Variants in CIPC observed in about 807,000 individuals in gnomAD.
The protein encoded by CIPC is CLOCK interacting pacemaker, also known as CLOCK-interacting pacemaker.
A neutral mutation model predicts 26.7 loss-of-function variants in CIPC; 12 were observed. That is an observed-to-expected ratio of 0.45 (90% CI 0.29 to 0.73). The LOEUF (loss-of-function observed/expected upper bound fraction) is 0.73. Ranked by LOEUF, CIPC falls within the 30% of genes least tolerant of loss-of-function variation. The probability of loss-of-function intolerance (pLI) is 0.12; values close to 1 mark genes in which losing one functional copy is unlikely to be tolerated. For missense variants in CIPC, 417 were observed against 486.5 expected, an observed-to-expected ratio of 0.86 and a Z score of 1.34; for synonymous variants, 170 against 189.8, an observed-to-expected ratio of 0.90 and a Z score of 0.86.
rs1201798596 is a variant in CIPC at position 77,114,040 on chromosome 14, G to T, written c.922G>T (p.Glu308Ter). The T allele has an allele frequency of 6.2e-7, 1 of 1,614,226 alleles. No individual in the cohort carries two copies. Among genetic ancestry groups the T allele is most frequent in the Non-Finnish European group, 8.5e-7 (1 of 1,180,052 alleles). ...HLCRSPDIFSEQRQSKHRRFQ... is the reference protein window; with the variant it reads ...HLCRSPDIFS Reference sequence around the variant, plus strand: ...CTGCCGCAGCCCAGATATCTTTTCAGAGCAGCGGCAGAGCAAACATAGGCG... The same window carrying T: ...CTGCCGCAGCCCAGATATCTTTTCATAGCAGCGGCAGAGCAAACATAGGCG... The change falls in exon 4 of 4, where the codon GAG (glutamate) becomes TAG (stop). Residue 308 changes from glutamate to a stop codon, truncating the protein, a stop_gained. Transcript: ENST00000361786. LOFTEE classifies it high-confidence loss of function.
At position 77,114,412 on chromosome 14, in the gene CIPC, C is replaced by A. The variant is rs192080598; in HGVS notation, c.*94C>A. The A allele has an allele frequency of 9.0e-4, 1,191 of 1,323,652 alleles. No individual in the cohort carries two copies. Among genetic ancestry groups the A allele is most frequent in the Non-Finnish European group, 1.1e-3 (1,074 of 961,292 alleles). 82.0% of individuals were successfully genotyped at this position (1,323,652 alleles called of 1,614,324 possible). ...CCCAAAGCTTATGTAAGAGCTTTTC[C>A]TTCTAAACTTAAACTGTGTTGTGGT... On this transcript the variant is annotated 3_prime_UTR_variant, in exon 4 of 4. Transcript: ENST00000361786.
Position 77,115,546 on chromosome 14 carries a change from T to C in CIPC, c.*1228T>C. The C allele has an allele frequency of 6.6e-6, 1 of 152,236 alleles. No individual in the cohort carries two copies. Among genetic ancestry groups the C allele is most frequent in the East Asian group, 1.9e-4 (1 of 5,202 alleles). 9.4% of individuals were successfully genotyped at this position (152,236 alleles called of 1,614,324 possible). ...CAGAGTTTCCAGATGATACACGTTC[T>C]TTTCAGCTTCATTAAATAGGCAACT... On this transcript the variant is annotated 3_prime_UTR_variant, in exon 4 of 4. Transcript: ENST00000361786.
rs765503637 is a variant in CIPC, at chr14:77,114,118, T to C, written c.1000T>C (p.Leu334=). 2.9e-5 allele frequency: 47 copies of C among 1,614,058 alleles called. No individual in the cohort carries two copies. In the South Asian group the frequency reaches 4.5e-4, roughly 15 times the overall value. Residue 334 remains leucine, a synonymous_variant, in exon 4 of 4, where the codon TTG becomes CTG. Transcript: ENST00000361786. ...LHKSGLLEIT[L]KTKELIRQNQ... is the part of the protein sequence containing the mutation. Reference sequence around the variant, plus strand: ...TAAATCTGGTTTGCTGGAGATCACTTTGAAAACCAAGGAGTTGATTCGTCA... The same window carrying C: ...TAAATCTGGTTTGCTGGAGATCACTCTGAAAACCAAGGAGTTGATTCGTCA...
In CIPC at chr14:77,113,827, G is replaced by C; in HGVS notation, c.709G>C (p.Gly237Arg). The C allele has an allele frequency of 6.2e-7, 1 of 1,614,160 alleles. No individual in the cohort carries two copies. The highest frequency in any genetic ancestry group is 8.5e-7 in the Non-Finnish European group (1 of 1,180,040). The change falls in exon 4 of 4, where the codon GGT becomes CGT. Residue 237 changes from glycine to arginine, a missense_variant. Coordinates refer to ENST00000361786, the MANE Select transcript of CIPC (RefSeq NM_033426.3). ...ALQGVPSLVA[G>R]GSPQTLQPVS... ...GCAGGGTGTGCCCTCTCTGGTGGCA[G>C]GTGGAAGTCCACAGACTCTTCAGCC...
At position 77,116,428 on chromosome 14, in the gene CIPC, A is replaced by G. The variant is rs1006552350; in HGVS notation, c.*2110A>G. On this transcript the variant is annotated 3_prime_UTR_variant, in exon 4 of 4. Coordinates refer to ENST00000361786, the MANE Select transcript of CIPC (RefSeq NM_033426.3). Reference sequence around the variant, plus strand: ...GTGCATTCAGAACATCCTGGGCACCAGTCATGAGTCTTACTGTGTCAAAAA... The same window carrying G: ...GTGCATTCAGAACATCCTGGGCACCGGTCATGAGTCTTACTGTGTCAAAAA... 2.0e-5 allele frequency: 3 copies of G among 152,240 alleles called. No homozygotes were observed. The highest frequency in any genetic ancestry group is 7.2e-5 in the African/African-American group (3 of 41,460). The allele number at this position is 152,240 out of a possible 1,614,324, so 9.4% of individuals were successfully genotyped here. A position where few individuals can be genotyped will look rare whatever the true frequency, so the allele number is the denominator to read the frequency against.
chr14:77,114,022 A>G lies in CIPC; in HGVS notation c.904A>G (p.Ser302Gly). ...ATGGGCTGCAGAGCACCTCTGCCGC[A>G]GCCCAGATATCTTTTCAGAGCAGCG... The part of the protein sequence containing the change: ...PLWAAEHLCR[S>G]PDIFSEQRQS... The change falls in exon 4 of 4, where the codon AGC (serine) becomes GGC (glycine). Residue 302 changes from serine to glycine, a missense_variant. Coordinates refer to ENST00000361786, the MANE Select transcript of CIPC (RefSeq NM_033426.3). 1 of 1,614,256 alleles carries G rather than the reference A, an allele frequency of 6.2e-7. No individual in the cohort carries two copies. Among genetic ancestry groups the G allele is most frequent in the Non-Finnish European group, 8.5e-7 (1 of 1,180,042 alleles).
At chr14:77,100,197 C>T (rs2140023715) in intron 1 of CIPC, among the ~76,000 whole-genome samples, 1 of 151,942 alleles carries the variant, frequency 6.6e-6, no homozygotes, top group South Asian at 2.1e-4. Context: ...AATTTTGTCC[C>T]CTTATATAAA....
intron 1 of CIPC, among the ~76,000 whole-genome samples, chr14:77,102,395 G>A (rs1181945148): frequency 6.6e-6 from 1 of 152,144 alleles, no homozygotes; most frequent in Non-Finnish European, 1.5e-5. Flanking sequence ...ACAACAAAGT[G>A]CTCATTATGC....
intron 2 of CIPC, 21 bp downstream of exon 2, chr14:77,105,865 C>T (rs1886581879): frequency 6.2e-7 from 1 of 1,612,386 alleles, no homozygotes; most frequent in African/African-American, 1.3e-5. Context: ...TCTTATCCTT[C>T]CTCTGTTTTG....
chr14:77,101,054 G>A (rs1886474107), intron 1 of CIPC, among the ~76,000 whole-genome samples: 1 of 152,208 alleles, frequency 6.6e-6, no homozygotes, highest in Non-Finnish European at 1.5e-5. Flanking sequence ...GTGATTTCCA[G>A]TCTATGCCAG....
Position 77,113,821 on chromosome 14 carries a change from G to T in CIPC, c.703G>T (p.Val235Leu). 1.9e-6 allele frequency: 3 copies of T among 1,614,090 alleles called. No individual in the cohort carries two copies. Among genetic ancestry groups the T allele is most frequent in the Middle Eastern group, 1.6e-4 (1 of 6,062 alleles). Residue 235 changes from valine to leucine, a missense_variant, in exon 4 of 4, where the codon GTG becomes TTG. By Grantham distance (32) the Val-to-Leu change is conservative. Transcript: ENST00000361786. ...AGCTCTGCAGGGTGTGCCCTCTCTG[G>T]TGGCAGGTGGAAGTCCACAGACTCT... is the stretch of plus-strand genomic sequence containing the variant. ...DSALQGVPSL[V>L]AGGSPQTLQP... is the part of the protein sequence containing the mutation.
chr14:77,108,361 A>G (rs1032332960), intron 2 of CIPC, among the ~76,000 whole-genome samples: 5 of 152,140 alleles, frequency 3.3e-5, no homozygotes, highest in African/African-American at 1.2e-4. Context: ...GCATCCATTG[A>G]TGATCTTTGC....
In CIPC at chr14:77,102,899, A is replaced by G. The variant is rs1405737679; in HGVS notation, c.-52-2758A>G. Reference sequence around the variant, plus strand: ...ATGCACATTTGTTGAATTTCATACAAAAGGATCCAATTTAATTAGAGATAT... The same window carrying G: ...ATGCACATTTGTTGAATTTCATACAGAAGGATCCAATTTAATTAGAGATAT... On this transcript the variant is annotated intron_variant, in intron 1 of 3. Transcript: ENST00000361786. 2.0e-5 allele frequency among the ~76,000 whole-genome samples: 3 copies of G among 152,352 alleles called. No homozygotes were observed. The East Asian group carries it at 5.8e-4, about 29-fold the overall frequency.
In CIPC at chr14:77,114,280, A is replaced by T. The variant is rs756523836; in HGVS notation, c.1162A>T (p.Ser388Cys). 1.2e-6 allele frequency: 2 copies of T among 1,613,492 alleles called. No homozygotes were observed. Among genetic ancestry groups the T allele is most frequent in the South Asian group, 2.2e-5 (2 of 91,070 alleles). Residue 388 changes from serine to cysteine, a missense_variant, in exon 4 of 4, where the codon AGT becomes TGT. Coordinates refer to ENST00000361786, the MANE Select transcript of CIPC (RefSeq NM_033426.3). ...SLTPGSSNTG[S>C]DLEAFSDHPA... ...AACACCTGGGTCCAGTAATACAGGCAGTGACCTAGAAGCATTCTCTGATCA... is the reference window on the plus strand; with the variant it reads ...AACACCTGGGTCCAGTAATACAGGCTGTGACCTAGAAGCATTCTCTGATCA...
intron 3 of CIPC, 88 bp from the exon 4 acceptor site, chr14:77,113,337 G>C: frequency 2.2e-6 from 3 of 1,379,728 alleles, no homozygotes; most frequent in Non-Finnish European, 1.0e-6. Flanking sequence ...AAGCATTTGA[G>C]TATCCACTTG....
At chr14:77,107,291 A>G (rs1248207232) in intron 2 of CIPC, among the ~76,000 whole-genome samples, 3 of 152,196 alleles carry the variant, frequency 2.0e-5, no homozygotes, top group African/African-American at 7.2e-5. Flanking sequence ...ACTTCTAACA[A>G]CTTCAACTTT....
intron 2 of CIPC, among the ~76,000 whole-genome samples, chr14:77,106,847 A>G (rs975724497): frequency 1.3e-5 from 2 of 152,208 alleles, no homozygotes; most frequent in African/African-American, 4.8e-5. Context: ...GATTAGATTA[A>G]AAGGAATTAG....
At chr14:77,108,605 C>G (rs563951193) in intron 2 of CIPC, among the ~76,000 whole-genome samples, 1 of 151,874 alleles carries the variant, frequency 6.6e-6, no homozygotes, top group African/African-American at 2.4e-5. Flanking sequence ...GCAGGAGAAC[C>G]GCTTGAACCC....
chr14:77,103,595 A>G (rs1221511593), intron 1 of CIPC, among the ~76,000 whole-genome samples: 1 of 152,150 alleles, frequency 6.6e-6, no homozygotes, highest in African/African-American at 2.4e-5. Flanking sequence ...TGGTGACTCA[A>G]ATGGCCATGT....
Sources: gnomAD v4.1 joint callset for allele counts (sites outside exome capture counted in the v4.1 genomes callset) on GRCh38, gnomAD v4.1.1 for gene constraint, MANE v1.5 for transcripts, NCBI Gene and HGNC (gene_info 2026-07-23, HGNC 2026-07-21) for gene names.